Variants in MDGA2 observed in about 807,000 individuals in gnomAD.
MDGA2 encodes MAM domain containing glycosylphosphatidylinositol anchor 2.
In MDGA2, 40 loss-of-function variants were observed where a neutral mutation model predicts 117.8. The ratio of observed to expected loss-of-function variants is 0.34; its 90% CI spans 0.26 to 0.44. The LOEUF (loss-of-function observed/expected upper bound fraction) is 0.44. Ranked by LOEUF, MDGA2 falls within the 20% of genes least tolerant of loss-of-function variation. The pLI is 1.00. For missense variants in MDGA2, 1,123 were observed against 1,250.6 expected, an observed-to-expected ratio of 0.90 and a Z score of 1.54; for synonymous variants, 452 against 439.0, an observed-to-expected ratio of 1.03 and a Z score of -0.37.
At chr14:47,213,262 T>C (rs1566683611) in intron 3 of MDGA2, among the ~76,000 whole-genome samples, 1 of 152,192 alleles carries the variant, frequency 6.6e-6, no homozygotes, top group Non-Finnish European at 1.5e-5. Context: ...CTTTACTCAG[T>C]TGCCTTCTAG....
At chr14:47,028,298 T>C (rs547929095) in intron 8 of MDGA2, among the ~76,000 whole-genome samples, 4 of 152,262 alleles carry the variant, frequency 2.6e-5, no homozygotes, top group East Asian at 3.9e-4. Context: ...ATTTTGAGTA[T>C]AAATTTATAT....
intron 10 of MDGA2, among the ~76,000 whole-genome samples, chr14:46,886,045 AG>A (rs1882661173): frequency 6.6e-6 from 1 of 152,152 alleles, no homozygotes; most frequent in South Asian, 2.1e-4. Flanking sequence ...TTGTAATAAA[AG>A]GGCAACTGGT....
intron 1 of MDGA2, among the ~76,000 whole-genome samples, chr14:47,569,833 C>A (rs1895985881): frequency 6.6e-6 from 1 of 152,130 alleles, no homozygotes; most frequent in African/African-American, 2.4e-5. Flanking sequence ...CAATTAATAA[C>A]TTCTAATGTT....
At chr14:47,390,494 G>T (rs1424303623) in intron 1 of MDGA2, among the ~76,000 whole-genome samples, 1 of 152,134 alleles carries the variant, frequency 6.6e-6, no homozygotes, top group Non-Finnish European at 1.5e-5. Context: ...ATGACAATAT[G>T]CATGGTCACC....
intron 3 of MDGA2, among the ~76,000 whole-genome samples, chr14:47,164,894 A>G (rs570057627): frequency 7.2e-4 from 109 of 152,374 alleles, no homozygotes; most frequent in African/African-American, 2.3e-3. Context: ...AATGTGGCAC[A>G]TAGTCACCAT....
chr14:47,299,288 G>C (rs768421234), intron 2 of MDGA2: 1 of 152,200 alleles, frequency 6.6e-6, no homozygotes, highest in Non-Finnish European at 1.5e-5. Context: ...GGGGACAGGA[G>C]GATGGAGAGA....
intron 6 of MDGA2, among the ~76,000 whole-genome samples, chr14:47,067,238 T>C (rs1257412904): frequency 1.3e-5 from 2 of 152,178 alleles, no homozygotes; most frequent in African/African-American, 4.8e-5. Context: ...ATGCAAATTG[T>C]CACATTACTG....
At chr14:46,934,110 C>A (rs966569204) in intron 9 of MDGA2, among the ~76,000 whole-genome samples, 3 of 151,606 alleles carry the variant, frequency 2.0e-5, no homozygotes, top group Middle Eastern at 3.4e-3. Flanking sequence ...GCCTAGGACT[C>A]AAAAAATGTT....
chr14:47,105,335 C>G (rs1214280891), intron 5 of MDGA2, among the ~76,000 whole-genome samples: 1 of 149,416 alleles, frequency 6.7e-6, no homozygotes, highest in African/African-American at 2.5e-5. Flanking sequence ...TATTTCTGTG[C>G]CCCAACCCCT....
At chr14:47,061,818 A>G (rs952516658) in intron 6 of MDGA2, among the ~76,000 whole-genome samples, 2 of 152,042 alleles carry the variant, frequency 1.3e-5, no homozygotes, top group African/African-American at 4.8e-5. Context: ...ATTTGGTAAG[A>G]TTTTCCAGTG....
intron 1 of MDGA2, among the ~76,000 whole-genome samples, chr14:47,312,108 A>T (rs553455814): frequency 6.6e-6 from 1 of 152,310 alleles, no homozygotes; most frequent in Non-Finnish European, 1.5e-5. Context: ...CCTAATTTTT[A>T]AAATATTAGG....
At chr14:47,269,557 C>G (rs1237396784) in intron 2 of MDGA2, among the ~76,000 whole-genome samples, 1 of 151,942 alleles carries the variant, frequency 6.6e-6, no homozygotes, top group Non-Finnish European at 1.5e-5. Context: ...CATAAATAAC[C>G]AGGTTCTGAA....
At chr14:47,340,316 T>C (rs1438388715) in intron 1 of MDGA2, among the ~76,000 whole-genome samples, 1 of 152,156 alleles carries the variant, frequency 6.6e-6, no homozygotes, top group Non-Finnish European at 1.5e-5. Flanking sequence ...CTTGTCAATT[T>C]ATAATGAAAA....
At chr14:47,440,550 A>T (rs1892986498) in intron 1 of MDGA2, among the ~76,000 whole-genome samples, 1 of 152,136 alleles carries the variant, frequency 6.6e-6, no homozygotes, top group Non-Finnish European at 1.5e-5. Flanking sequence ...GCAATTTTAT[A>T]TAAACGCTTT....
chr14:47,032,801 T>C (rs562767791), intron 8 of MDGA2, among the ~76,000 whole-genome samples: 1 of 152,308 alleles, frequency 6.6e-6, no homozygotes, highest in Non-Finnish European at 1.5e-5. Flanking sequence ...AATAGTGACA[T>C]ATAACCAAGT....
At chr14:47,200,505 A>ATTTTTCTTTTCTTTTTCC (rs1885454231) in intron 3 of MDGA2, 2 of 557,456 alleles carry the variant, frequency 3.6e-6, no homozygotes. Context: ...CCCTTTTTCT[A>ATTTTTCTTTTCTTTTTCC]TTTTTCTTTT....
chr14:47,298,716 G>T (rs577849983), intron 2 of MDGA2, among the ~76,000 whole-genome samples: 10 of 132,366 alleles, frequency 7.6e-5, no homozygotes, highest in Non-Finnish European at 1.2e-4. Context: ...ACAGAGTCTC[G>T]TTCTGTCGCC....
intron 8 of MDGA2, among the ~76,000 whole-genome samples, chr14:46,979,283 G>A (rs1044573971): frequency 2.6e-5 from 4 of 151,948 alleles, no homozygotes; most frequent in Admixed American, 6.6e-5. Context: ...CTGCTTCCCC[G>A]TCTCTCATAT....
rs183949580 is a variant in MDGA2, at chr14:47,009,110, T to C, written c.1819+25901A>G. Among the ~76,000 whole-genome samples, 805 of 152,096 alleles carry C rather than the reference T, an allele frequency of 5.3e-3. 4 individuals carry two copies. The highest frequency in any genetic ancestry group is 6.8e-3 in the African/African-American group (281 of 41,542). ...GCAATGTAATGTAGCACTCATTCGA[T>C]AGATAAATAAAATGGTACAGTATAG... is the stretch of plus-strand genomic sequence containing the variant. On this transcript the variant is annotated intron_variant, in intron 8 of 16. Transcript: ENST00000399232.
Sources: allele counts gnomAD v4.1 joint callset (sites outside exome capture counted in the v4.1 genomes callset), GRCh38; gene constraint gnomAD v4.1.1; transcripts MANE v1.5; gene names NCBI Gene and HGNC (gene_info 2026-07-23, HGNC 2026-07-21).